The following KIF16B variants were observed in gnomAD, a reference collection of about 807,000 sequenced individuals.
KIF16B encodes kinesin family member 16B, also known as kinesin-like protein KIF16B.
Under a neutral mutation model 156.3 loss-of-function variants are expected in KIF16B, and 98 were observed. The observed-to-expected ratio is 0.63, with a 90% CI of 0.53 to 0.74. The LOEUF (loss-of-function observed/expected upper bound fraction) is 0.74. Ranked by LOEUF, KIF16B falls within the 30% of genes least tolerant of loss-of-function variation. The probability of loss-of-function intolerance (pLI) is 0.00; values close to 1 mark genes in which losing one functional copy is unlikely to be tolerated. For missense variants in KIF16B, 1,421 were observed against 1,606.5 expected, an observed-to-expected ratio of 0.88 and a Z score of 1.97; for synonymous variants, 564 against 583.7, an observed-to-expected ratio of 0.97 and a Z score of 0.49.
At chr20:16,302,895 T>C (rs2063493185) in intron 25 of KIF16B, among the ~76,000 whole-genome samples, 1 of 152,164 alleles carries the variant, frequency 6.6e-6, no homozygotes, top group African/African-American at 2.4e-5. Context: ...TTCCAGGAGT[T>C]TTTTTCTTTG....
At chr20:16,295,180 G>A (rs904071515) in intron 25 of KIF16B, among the ~76,000 whole-genome samples, 16 of 152,092 alleles carry the variant, frequency 1.1e-4, no homozygotes, top group Non-Finnish European at 2.4e-4. Flanking sequence ...CAGCCCATAA[G>A]CTCCCAGCTT....
At chr20:16,559,770 A>G (rs1261748761) in intron 1 of KIF16B, among the ~76,000 whole-genome samples, 1 of 113,890 alleles carries the variant, frequency 8.8e-6, no homozygotes, top group Non-Finnish European at 1.8e-5. Flanking sequence ...AGAGCAAAAA[A>G]GACCTTGTCT....
At chr20:16,506,884 C>T (rs1555789944) in intron 7 of KIF16B, among the ~76,000 whole-genome samples, 3 of 151,674 alleles carry the variant, frequency 2.0e-5, no homozygotes, top group Non-Finnish European at 4.4e-5. Context: ...CGCTTGAGCC[C>T]AGGAGTTCAA....
chr20:16,433,565 C>G (rs1247465988), intron 12 of KIF16B, among the ~76,000 whole-genome samples: 2 of 147,156 alleles, frequency 1.4e-5, no homozygotes, highest in Non-Finnish European at 3.0e-5. Context: ...TGTTCCCACC[C>G]ATCCCCAGCA....
chr20:16,539,609 C>T lies in KIF16B; in HGVS notation c.48-11169G>A, dbSNP rs1600658614. Reference sequence around the variant, plus strand: ...GATGTGCCTGCTCCGGCTTTGCCTTCCACCATGAGTAAAAGCTTCCTGAGG... The same window carrying T: ...GATGTGCCTGCTCCGGCTTTGCCTTTCACCATGAGTAAAAGCTTCCTGAGG... On this transcript the variant is annotated intron_variant, in intron 1 of 25. Transcript: ENST00000354981. Among the ~76,000 whole-genome samples the T allele has an allele frequency of 2.6e-5, 4 of 152,276 alleles. No individual in the cohort carries two copies. The South Asian group carries it at 8.3e-4, about 32-fold the overall frequency.
intron 17 of KIF16B, among the ~76,000 whole-genome samples, chr20:16,394,884 G>A (rs777881341): frequency 9.9e-5 from 15 of 152,092 alleles, no homozygotes; most frequent in Admixed American, 4.6e-4. Context: ...AATATCTCCA[G>A]CTACCAGCAG....
At chr20:16,518,581 T>C (rs1223801783) in intron 3 of KIF16B, among the ~76,000 whole-genome samples, 1 of 152,184 alleles carries the variant, frequency 6.6e-6, no homozygotes, top group Non-Finnish European at 1.5e-5. Context: ...AAGGAACAGG[T>C]TGTGTGAGAT....
At chr20:16,328,824 GGCAA>G (rs1289064562) in intron 24 of KIF16B, among the ~76,000 whole-genome samples, 1 of 152,026 alleles carries the variant, frequency 6.6e-6, no homozygotes, top group Non-Finnish European at 1.5e-5. Context: ...AGGAGGTGGG[GGCAA>G]GCTCCCTCAG....
At chr20:16,562,618 G>A (rs973303471) in intron 1 of KIF16B, among the ~76,000 whole-genome samples, 1 of 152,118 alleles carries the variant, frequency 6.6e-6, no homozygotes, top group Admixed American at 6.5e-5. Flanking sequence ...GAGTGCTCAG[G>A]TCTTCCCGGC....
intron 20 of KIF16B, among the ~76,000 whole-genome samples, chr20:16,373,044 A>C (rs1315604239): frequency 6.6e-6 from 1 of 152,222 alleles, no homozygotes; most frequent in Non-Finnish European, 1.5e-5. Flanking sequence ...ATATCTTATC[A>C]CATTCACTAA....
intron 22 of KIF16B, among the ~76,000 whole-genome samples, chr20:16,360,166 A>G (rs914404483): frequency 6.6e-6 from 1 of 152,190 alleles, no homozygotes; most frequent in Non-Finnish European, 1.5e-5. Flanking sequence ...TATGAAGTCA[A>G]TTTCATGAGA....
chr20:16,488,553 T>G (rs1267690839), intron 12 of KIF16B, among the ~76,000 whole-genome samples: 1 of 152,098 alleles, frequency 6.6e-6, no homozygotes, highest in South Asian at 2.1e-4. Context: ...AAGGATCACT[T>G]CAAAAAAATC....
At chr20:16,544,494 C>T (rs1166721784) in intron 1 of KIF16B, among the ~76,000 whole-genome samples, 6 of 151,190 alleles carry the variant, frequency 4.0e-5, no homozygotes, top group African/African-American at 1.5e-4. Flanking sequence ...ATAATCCCAG[C>T]TCCTTGGGAG....
At chr20:16,528,314 C>A in intron 2 of KIF16B, 57 bp downstream of exon 2, 1 of 1,308,276 alleles carries the variant, frequency 7.6e-7, no homozygotes, top group Non-Finnish European at 1.1e-6. Context: ...TAGTCATCCC[C>A]ACAGTAAAGC....
rs181198120 is a variant in KIF16B at position 16,463,383 on chromosome 20, G to A, written c.1302+30908C>T. On this transcript the variant is annotated intron_variant, in intron 12 of 25. Coordinates refer to ENST00000354981, the MANE Select transcript of KIF16B (RefSeq NM_024704.5). ...AAGTCACAGTAAGGCACTATACCTA[G>A]TGGTCCCTCTCAAAGTATCCTAGCA... Among the ~76,000 whole-genome samples the A allele has an allele frequency of 1.1e-4, 16 of 152,312 alleles. No homozygotes were observed. The East Asian group carries it at 2.9e-3, about 28-fold the overall frequency.
intron 15 of KIF16B, among the ~76,000 whole-genome samples, chr20:16,409,970 C>T (rs7273750): frequency 0.14 from 6,088 of 42,182 alleles, 1,353 homozygotes; most frequent in East Asian, 0.45. Flanking sequence ...TATATATATA[C>T]ATATATATAT....
intron 22 of KIF16B, chr20:16,367,565 T>C (rs2064703076): frequency 1.2e-6 from 2 of 1,612,910 alleles, no homozygotes; most frequent in Non-Finnish European, 1.7e-6. Context: ...CCCATGACTT[T>C]CACTGTTGTG....
At chr20:16,392,930 C>T (rs1189712375) in intron 17 of KIF16B, among the ~76,000 whole-genome samples, 1 of 152,002 alleles carries the variant, frequency 6.6e-6, no homozygotes, top group Non-Finnish European at 1.5e-5. Flanking sequence ...GAAATGTTAT[C>T]AACAATTTAC....
At chr20:16,349,646 A>T (rs2064297034) in intron 23 of KIF16B, among the ~76,000 whole-genome samples, 1 of 152,130 alleles carries the variant, frequency 6.6e-6, no homozygotes, top group Non-Finnish European at 1.5e-5. Context: ...CATATCCTCC[A>T]CCACCAGTTT....
Sources: gnomAD v4.1 joint callset for allele counts (sites outside exome capture counted in the v4.1 genomes callset) on GRCh38, gnomAD v4.1.1 for gene constraint, MANE v1.5 for transcripts, NCBI Gene and HGNC (gene_info 2026-07-23, HGNC 2026-07-21) for gene names.